The following EFCAB8 variants were observed in gnomAD, a reference collection of about 807,000 sequenced individuals.
EFCAB8 encodes EF-hand calcium binding domain 8.
In EFCAB8, 100 loss-of-function variants were observed where a neutral mutation model predicts 116.3. The ratio of observed to expected loss-of-function variants is 0.86; its 90% CI spans 0.73 to 1.02. The LOEUF is 1.02. EFCAB8 is among the 50% of genes least tolerant of loss of function. The probability of loss-of-function intolerance (pLI) is 0.00; values close to 1 mark genes in which losing one functional copy is unlikely to be tolerated. For synonymous variants in EFCAB8, 558 were observed against 567.9 expected, an observed-to-expected ratio of 0.98 and a Z score of 0.25; for missense variants, 1,320 against 1,416.9, an observed-to-expected ratio of 0.93 and a Z score of 1.10.
chr20:32,861,756 T>A (rs1036186775), intron 1 of EFCAB8, among the ~76,000 whole-genome samples: 16 of 152,170 alleles, frequency 1.1e-4, no homozygotes, highest in African/African-American at 3.9e-4. Context: ...GAACCCTTTT[T>A]TAATTAAAAT....
intron 3 of EFCAB8, 119 bp from the exon 4 acceptor site, chr20:32,875,807 C>A: frequency 1.2e-6 from 1 of 840,330 alleles, no homozygotes. Context: ...CCGCGCCTGG[C>A]CGTAGATGTG....
intron 23 of EFCAB8, among the ~76,000 whole-genome samples, chr20:32,947,912 A>G (rs1042569237): frequency 5.9e-5 from 9 of 151,610 alleles, no homozygotes; most frequent in Middle Eastern, 3.4e-3. Flanking sequence ...TTAAAAAAAA[A>G]AAAAAAGAAA....
At chr20:32,873,963 C>A (rs1277641395) in intron 3 of EFCAB8, among the ~76,000 whole-genome samples, 1 of 151,750 alleles carries the variant, frequency 6.6e-6, no homozygotes, top group Non-Finnish European at 1.5e-5. Flanking sequence ...CTCTGTTATC[C>A]AGGCTGGAGT....
At chr20:32,889,767 C>T (rs1029724385) in intron 7 of EFCAB8, among the ~76,000 whole-genome samples, 3 of 151,886 alleles carry the variant, frequency 2.0e-5, no homozygotes, top group South Asian at 2.1e-4. Context: ...TTCAGGAGGC[C>T]GAGGCAGGCG....
intron 9 of EFCAB8, among the ~76,000 whole-genome samples, chr20:32,895,570 TC>T (rs1266307117): frequency 1.4e-5 from 2 of 145,182 alleles, no homozygotes; most frequent in African/African-American, 2.6e-5. Context: ...TTTCTTTCTT[TC>T]TTTCTTTTTT....
At chr20:32,864,441 G>A (rs1984284372) in intron 2 of EFCAB8, among the ~76,000 whole-genome samples, 1 of 152,076 alleles carries the variant, frequency 6.6e-6, no homozygotes, top group Non-Finnish European at 1.5e-5. Flanking sequence ...AATAAATTAG[G>A]CATGGTGGCA....
chr20:32,957,974 T>C (rs1989025534), intron 23 of EFCAB8, among the ~76,000 whole-genome samples: 1 of 152,182 alleles, frequency 6.6e-6, no homozygotes, highest in Non-Finnish European at 1.5e-5. Flanking sequence ...CTACTCACTA[T>C]TCTCTGCCCA....
At chr20:32,951,379 G>A (rs1002379689) in intron 23 of EFCAB8, among the ~76,000 whole-genome samples, 21 of 152,194 alleles carry the variant, frequency 1.4e-4, no homozygotes, top group Non-Finnish European at 1.5e-5. Context: ...AACGTGGTTG[G>A]ATCTCAAAAT....
At chr20:32,865,165 T>G (rs916058040) in intron 2 of EFCAB8, among the ~76,000 whole-genome samples, 2 of 152,162 alleles carry the variant, frequency 1.3e-5, no homozygotes, top group African/African-American at 4.8e-5. Context: ...GGGGCAGATA[T>G]GAACAAAGAC....
intron 5 of EFCAB8, among the ~76,000 whole-genome samples, chr20:32,879,067 G>A (rs1224750232): frequency 3.3e-5 from 5 of 152,200 alleles, no homozygotes; most frequent in Non-Finnish European, 5.9e-5. Flanking sequence ...CAGGCCAATA[G>A]GTAGAAAGTG....
chr20:32,931,170 A>C lies in EFCAB8; in HGVS notation c.2632-8A>C. On this transcript the variant is annotated splice_polypyrimidine_tract_variant and splice_region_variant and intron_variant, in intron 21 of 26. Transcript: ENST00000400522. ...GTGTGAGGCCACTAACCCACACTTT[A>C]TGTCTAGATCTGGGACATCAAGGAT... The C allele has an allele frequency of 2.0e-6, 3 of 1,532,680 alleles. No individual in the cohort carries two copies. Among genetic ancestry groups the C allele is most frequent in the Non-Finnish European group, 2.6e-6 (3 of 1,138,010 alleles). The allele number at this position is 1,532,680 out of a possible 1,614,324, so 94.9% of individuals were successfully genotyped here.
intron 20 of EFCAB8, among the ~76,000 whole-genome samples, chr20:32,920,805 G>A (rs1987415447): frequency 6.6e-6 from 1 of 152,164 alleles, no homozygotes; most frequent in African/African-American, 2.4e-5. Flanking sequence ...GAAGTGAGCA[G>A]TGTCCCCTCT....
chr20:32,956,176 C>T (rs1244967281), intron 23 of EFCAB8, among the ~76,000 whole-genome samples: 1 of 151,876 alleles, frequency 6.6e-6, no homozygotes, highest in African/African-American at 2.4e-5. Flanking sequence ...TATATGTATT[C>T]TTGACCTAGT....
At chr20:32,878,439 C>T (rs1985106689) in intron 4 of EFCAB8, among the ~76,000 whole-genome samples, 1 of 151,944 alleles carries the variant, frequency 6.6e-6, no homozygotes, top group Non-Finnish European at 1.5e-5. Context: ...GAAGCAGCCA[C>T]CAGAGCCTAT....
At chr20:32,890,378 C>A (rs1256490094) in intron 7 of EFCAB8, among the ~76,000 whole-genome samples, 6 of 152,238 alleles carry the variant, frequency 3.9e-5, no homozygotes, top group Non-Finnish European at 8.8e-5. Flanking sequence ...AGTCCAAGAT[C>A]CTCTGTTAAA....
chr20:32,911,474 C>T lies in EFCAB8; in HGVS notation c.1558-6C>T. 2.7e-6 allele frequency: 4 copies of T among 1,484,308 alleles called. No individual in the cohort carries two copies. The highest frequency in any genetic ancestry group is 1.9e-4 in the Middle Eastern group (1 of 5,218). 91.9% of individuals were successfully genotyped at this position (1,484,308 alleles called of 1,614,324 possible). On this transcript the variant is annotated splice_region_variant and splice_polypyrimidine_tract_variant and intron_variant, in intron 15 of 26. Coordinates refer to ENST00000400522, the MANE Select transcript of EFCAB8 (RefSeq NM_001143967.2). ...CCAGCAGCCCCCAGCTGTGTGCTCC[C>T]TACAGGTGGTGAGTGGCTGCCTGCG...
At position 32,898,513 on chromosome 20, in the gene EFCAB8, T is replaced by C. The variant is rs984808815; in HGVS notation, c.978T>C (p.Cys326=). 1 of 718,528 alleles carries C rather than the reference T, an allele frequency of 1.4e-6. No individual in the cohort carries two copies. Among genetic ancestry groups the C allele is most frequent in the African/African-American group, 1.7e-5 (1 of 57,368 alleles). 44.5% of individuals were successfully genotyped at this position (718,528 alleles called of 1,614,324 possible). A position where few individuals can be genotyped will look rare whatever the true frequency, so the allele number is the denominator to read the frequency against. ...YRLKALHPNW[C]EQVKFIPQMN... is the part of the protein sequence containing the mutation. ...CCCAGGCTCTCCATCCCAACTGGTGTGAGCAGGTCAAGTTCATCCCCCAGA... is the reference window on the plus strand; with the variant it reads ...CCCAGGCTCTCCATCCCAACTGGTGCGAGCAGGTCAAGTTCATCCCCCAGA... The change falls in exon 11 of 27, where the codon TGT becomes TGC. Residue 326 remains cysteine, a synonymous_variant. Transcript: ENST00000400522.
In EFCAB8 at chr20:32,906,912, T is replaced by G. The variant is rs1986705547; in HGVS notation, c.1226T>G (p.Met409Arg). 3.9e-6 allele frequency: 6 copies of G among 1,551,158 alleles called. No homozygotes were observed. Among genetic ancestry groups the G allele is most frequent in the Non-Finnish European group, 5.2e-6 (6 of 1,146,776 alleles). The change falls in exon 13 of 27, where the codon ATG (methionine) becomes AGG (arginine). Residue 409 changes from methionine (M) to arginine (R), a missense_variant. Coordinates refer to ENST00000400522, the MANE Select transcript of EFCAB8 (RefSeq NM_001143967.2). ...GTCTCAAAGAGGCCCGTGTGGCTGATGAAGGGACACCAGACCTCAGTGACG... is the reference window on the plus strand; with the variant it reads ...GTCTCAAAGAGGCCCGTGTGGCTGAGGAAGGGACACCAGACCTCAGTGACG... ...PFVSKRPVWL[M>R]KGHQTSVTHI...
chr20:32,947,903 T>TAAAAAAA (rs377234035), intron 23 of EFCAB8, among the ~76,000 whole-genome samples: 6 of 100,728 alleles, frequency 6.0e-5, no homozygotes, highest in Non-Finnish European at 1.1e-4. Context: ...CCATCTCAAT[T>TAAAAAAA]AAAAAAAAAA....
Sources: allele counts gnomAD v4.1 joint callset (sites outside exome capture counted in the v4.1 genomes callset), GRCh38; gene constraint gnomAD v4.1.1; transcripts MANE v1.5; gene names NCBI Gene and HGNC (gene_info 2026-07-23, HGNC 2026-07-21).